Variants in CDK6 observed in about 807,000 individuals in gnomAD.
CDK6 encodes cyclin dependent kinase 6, also known as cyclin-dependent kinase 6.
CDK6 carries 6 observed loss-of-function variants against 37.1 expected under a neutral mutation model. That is an observed-to-expected ratio of 0.16 (90% confidence interval 0.09 to 0.32). The LOEUF is 0.32. Among genes scored for constraint, CDK6 ranks in the 10% least tolerant of loss-of-function variants. The pLI is 1.00. For synonymous variants in CDK6, 160 were observed against 161.3 expected (o/e 0.99, Z 0.06); for missense variants, 224 against 418.9 (o/e 0.53, Z 4.06).
intron 3 of CDK6, among the ~76,000 whole-genome samples, chr7:92,773,430 G>A (rs1488233486): frequency 1.3e-5 from 2 of 152,166 alleles, no homozygotes; most frequent in Non-Finnish European, 2.9e-5. Context: ...AGTCCAATTT[G>A]CCTAGAAAAC....
intron 4 of CDK6, 67 bp from the exon 5 acceptor site, chr7:92,671,602 CTGGT>C: frequency 2.3e-6 from 2 of 858,162 alleles, no homozygotes; most frequent in Non-Finnish European, 3.5e-6. Context: ...CTGACTAAAC[CTGGT>C]GGTTTAATGA....
chr7:92,710,939 A>G (rs1306210387), intron 4 of CDK6: 53 of 859,930 alleles, frequency 6.2e-5, no homozygotes, highest in Non-Finnish European at 7.4e-5. Context: ...GGACAGGAAG[A>G]GCAGAAAGCG....
intron 4 of CDK6, among the ~76,000 whole-genome samples, chr7:92,685,245 A>G (rs1366144760): frequency 1.3e-5 from 2 of 152,198 alleles, no homozygotes; most frequent in Non-Finnish European, 2.9e-5. Context: ...AACCACACTA[A>G]TACCAAGGAC....
At chr7:92,738,253 T>C (rs903026448) in intron 3 of CDK6, among the ~76,000 whole-genome samples, 1 of 151,980 alleles carries the variant, frequency 6.6e-6, no homozygotes, top group Admixed American at 6.6e-5. Context: ...TCAGGCCAAA[T>C]GGAACTGAAG....
intron 3 of CDK6, among the ~76,000 whole-genome samples, chr7:92,728,797 A>G (rs1798574394): frequency 6.6e-6 from 1 of 152,022 alleles, no homozygotes; most frequent in Non-Finnish European, 1.5e-5. Flanking sequence ...CTTTTCTTTT[A>G]AATCTCCAAT....
intron 5 of CDK6, among the ~76,000 whole-genome samples, chr7:92,624,909 G>A (rs1285973055): frequency 6.6e-6 from 1 of 151,908 alleles, no homozygotes; most frequent in Admixed American, 6.6e-5. Flanking sequence ...ATGTTACATG[G>A]CTTAATTAAG....
At chr7:92,713,068 C>T (rs1798139090) in intron 4 of CDK6, among the ~76,000 whole-genome samples, 1 of 152,046 alleles carries the variant, frequency 6.6e-6, no homozygotes, top group South Asian at 2.1e-4. Context: ...ACCATATTGG[C>T]CAGGCTGCTC....
At chr7:92,765,194 G>T (rs1476974414) in intron 3 of CDK6, among the ~76,000 whole-genome samples, 1 of 152,086 alleles carries the variant, frequency 6.6e-6, no homozygotes, top group African/African-American at 2.4e-5. Flanking sequence ...ATACTCCTGA[G>T]ATACGAGAAT....
At chr7:92,674,891 G>GTGCA (rs1310054119) in intron 4 of CDK6, among the ~76,000 whole-genome samples, 4 of 152,158 alleles carry the variant, frequency 2.6e-5, no homozygotes, top group Non-Finnish European at 4.4e-5. Flanking sequence ...GAATGCAATG[G>GTGCA]TGCGATCTTG....
chr7:92,666,621 T>C (rs1422111387), intron 5 of CDK6, among the ~76,000 whole-genome samples: 2 of 152,182 alleles, frequency 1.3e-5, no homozygotes, highest in African/African-American at 2.4e-5. Context: ...GAACCACATA[T>C]GTGAGGGTGG....
chr7:92,712,881 T>TG (rs71107867), intron 4 of CDK6, among the ~76,000 whole-genome samples: 36 of 151,934 alleles, frequency 2.4e-4, no homozygotes, highest in South Asian at 4.2e-4. Flanking sequence ...TATGTATGTA[T>TG]TTATTTATTT....
chr7:92,810,633 C>T (rs1442311824), intron 2 of CDK6, among the ~76,000 whole-genome samples: 1 of 152,170 alleles, frequency 6.6e-6, no homozygotes, highest in Non-Finnish European at 1.5e-5. Flanking sequence ...AGCTTCTATG[C>T]ATTTTATTAG....
chr7:92,733,364 C>T (rs1424245979), intron 3 of CDK6, among the ~76,000 whole-genome samples: 1 of 152,208 alleles, frequency 6.6e-6, no homozygotes, highest in Non-Finnish European at 1.5e-5. Flanking sequence ...CTGCAGGACT[C>T]CAACATCACT....
rs1448315589 is a variant in CDK6 at position 92,679,476 on chromosome 7, T to C, written c.538-7941A>G. 3.9e-5 allele frequency among the ~76,000 whole-genome samples: 6 copies of C among 152,330 alleles called. No homozygotes were observed. The East Asian group carries it at 1.2e-3, about 29-fold the overall frequency. Reference sequence around the variant, plus strand: ...TTCTCGGGCCCACTTCAACAACATGTCTCAAATACAAACATAGATAATGGT... The same window carrying C: ...TTCTCGGGCCCACTTCAACAACATGCCTCAAATACAAACATAGATAATGGT... On this transcript the variant is annotated intron_variant, in intron 4 of 7. Transcript: ENST00000424848.
chr7:92,774,275 G>A (rs1424258012), intron 3 of CDK6, among the ~76,000 whole-genome samples: 1 of 152,126 alleles, frequency 6.6e-6, no homozygotes, highest in Non-Finnish European at 1.5e-5. Flanking sequence ...TTGTCCCGGA[G>A]TTATTATACA....
intron 5 of CDK6, among the ~76,000 whole-genome samples, chr7:92,656,598 G>A (rs1796705370): frequency 6.6e-6 from 1 of 152,186 alleles, no homozygotes; most frequent in African/African-American, 2.4e-5. Context: ...TAAAACAAAT[G>A]TAAATGTTAC....
chr7:92,730,220 C>T (rs748247279), intron 3 of CDK6, among the ~76,000 whole-genome samples: 1 of 152,188 alleles, frequency 6.6e-6, no homozygotes, highest in Non-Finnish European at 1.5e-5. Context: ...GTATAATCCT[C>T]AGTTTATTTA....
chr7:92,816,043 T>A (rs1389039307), intron 2 of CDK6, among the ~76,000 whole-genome samples: 2 of 152,138 alleles, frequency 1.3e-5, no homozygotes, highest in African/African-American at 4.8e-5. Flanking sequence ...AAATAAGCCT[T>A]GGAAGTATAA....
At chr7:92,736,582 G>A (rs149877468) in intron 3 of CDK6, among the ~76,000 whole-genome samples, 74 of 152,320 alleles carry the variant, frequency 4.9e-4, no homozygotes, top group African/African-American at 1.8e-3. Flanking sequence ...AATAGAGGAG[G>A]AGGAAGTGCT....
Sources: gnomAD v4.1 joint callset for allele counts (sites outside exome capture counted in the v4.1 genomes callset) on GRCh38, gnomAD v4.1.1 for gene constraint, MANE v1.5 for transcripts, NCBI Gene and HGNC (gene_info 2026-07-23, HGNC 2026-07-21) for gene names.